KBTBD12: variants seen among roughly 807,000 people sequenced by gnomAD.
KBTBD12 encodes kelch repeat and BTB domain-containing protein 12.
KBTBD12 carries 53 observed loss-of-function variants against 58.7 expected under a neutral mutation model. The observed-to-expected ratio is 0.90, with a 90% CI of 0.72 to 1.14. KBTBD12 has a LOEUF of 1.14. KBTBD12 is among the 50% of genes most tolerant of loss of function. The pLI, the probability that KBTBD12 is intolerant of heterozygous loss-of-function variation, is 0.00. For missense variants in KBTBD12, 704 were observed against 751.3 expected, an observed-to-expected ratio of 0.94 and a Z score of 0.74; for synonymous variants, 236 against 259.8, an observed-to-expected ratio of 0.91 and a Z score of 0.88.
chr3:127,954,279 G>T (rs1257189464), intron 4 of KBTBD12, among the ~76,000 whole-genome samples: 1 of 152,096 alleles, frequency 6.6e-6, no homozygotes. Context: ...TGTTTTCAAG[G>T]TTTTAAATCC....
intron 4 of KBTBD12, among the ~76,000 whole-genome samples, chr3:127,940,787 C>T (rs1939933157): frequency 1.3e-5 from 2 of 151,482 alleles, no homozygotes; most frequent in African/African-American, 4.8e-5. Context: ...TTGAAAAAGC[C>T]AATACAGTTG....
At chr3:127,983,497 G>A (rs1940908469) in intron 5 of KBTBD12, among the ~76,000 whole-genome samples, 1 of 152,196 alleles carries the variant, frequency 6.6e-6, no homozygotes, top group African/African-American at 2.4e-5. Flanking sequence ...GCTCACGCCT[G>A]TAATCCCAGC....
Position 127,963,242 on chromosome 3 carries a change from G to A in KBTBD12, c.1546G>A (p.Val516Met), listed in dbSNP as rs757234553. Residue 516 changes from valine (V) to methionine (M), a missense_variant, in exon 5 of 6, where the codon GTG (valine) becomes ATG (methionine). By Grantham distance (21) the Val-to-Met change is conservative. Transcript: ENST00000405109. Reference protein sequence around the residue: ...DKGQVRKCLDVVEIYNPDGDF... With the variant: ...DKGQVRKCLDMVEIYNPDGDF... ...GGGCCAGGTTCGAAAATGCCTTGAC[G>A]TGGTGGAGATCTACAACCCAGATGG... 10 of 1,612,838 alleles carry A rather than the reference G, an allele frequency of 6.2e-6. No homozygotes were observed. In the South Asian group the frequency reaches 6.6e-5, roughly 11 times the overall value.
chr3:127,943,309 A>G (rs1284362434), intron 4 of KBTBD12, among the ~76,000 whole-genome samples: 1 of 152,142 alleles, frequency 6.6e-6, no homozygotes, highest in African/African-American at 2.4e-5. Flanking sequence ...TCCCATCAAC[A>G]GTGTACAAGG....
At chr3:127,925,225 G>A (rs1367895977) in intron 2 of KBTBD12, among the ~76,000 whole-genome samples, 1 of 152,164 alleles carries the variant, frequency 6.6e-6, no homozygotes, top group Non-Finnish European at 1.5e-5. Context: ...CTAGACCCGT[G>A]CCCATGGGTA....
intron 1 of KBTBD12, among the ~76,000 whole-genome samples, chr3:127,919,606 G>A (rs1009372559): frequency 6.6e-6 from 1 of 152,176 alleles, no homozygotes; most frequent in Non-Finnish European, 1.5e-5. Flanking sequence ...TCATACAGGC[G>A]GATGCCAGCG....
At chr3:127,970,901 AT>A (rs60244404) in intron 5 of KBTBD12, among the ~76,000 whole-genome samples, 24,261 of 152,130 alleles carry the variant, frequency 0.16, 2,188 homozygotes, top group South Asian at 0.32. Flanking sequence ...CTAAAAAACC[AT>A]TTTTTTATAC....
intron 4 of KBTBD12, among the ~76,000 whole-genome samples, chr3:127,954,461 A>C (rs894667509): frequency 6.6e-6 from 1 of 152,224 alleles, no homozygotes; most frequent in Admixed American, 6.5e-5. Flanking sequence ...GCTGTCTCTT[A>C]GAAAAGAAGT....
chr3:127,915,802 C>T (rs1939220382), intron 1 of KBTBD12, among the ~76,000 whole-genome samples: 1 of 152,260 alleles, frequency 6.6e-6, no homozygotes, highest in Non-Finnish European at 1.5e-5. Context: ...CTCCGACCTT[C>T]ACCGTCGGGT....
At chr3:127,971,341 T>C (rs892198444) in intron 5 of KBTBD12, among the ~76,000 whole-genome samples, 10 of 152,166 alleles carry the variant, frequency 6.6e-5, no homozygotes, top group African/African-American at 2.4e-4. Flanking sequence ...ATGAACTGAA[T>C]ACCGAAGAGC....
intron 4 of KBTBD12, among the ~76,000 whole-genome samples, chr3:127,953,777 A>G (rs914926282): frequency 6.6e-5 from 10 of 152,260 alleles, no homozygotes; most frequent in Non-Finnish European, 4.4e-5. Context: ...TAACATAAAA[A>G]TAAAGGAATA....
intron 4 of KBTBD12, among the ~76,000 whole-genome samples, chr3:127,933,973 G>C (rs902025408): frequency 6.6e-6 from 1 of 152,014 alleles, no homozygotes; most frequent in Admixed American, 6.5e-5. Context: ...AGGATAAAAA[G>C]TTGCCACAAT....
intron 4 of KBTBD12, among the ~76,000 whole-genome samples, chr3:127,931,942 A>C (rs1200360221): frequency 6.6e-6 from 1 of 152,094 alleles, no homozygotes; most frequent in Admixed American, 6.6e-5. Context: ...CTGAGTAGTA[A>C]ACTGAGAAGC....
chr3:127,924,404 T>C (rs967298673), intron 2 of KBTBD12, among the ~76,000 whole-genome samples: 9 of 149,188 alleles, frequency 6.0e-5, no homozygotes, highest in African/African-American at 2.0e-4. Context: ...AAATGTAGCA[T>C]ATATATAACT....
At chr3:127,969,878 G>A (rs183318873) in intron 5 of KBTBD12, among the ~76,000 whole-genome samples, 2 of 152,078 alleles carry the variant, frequency 1.3e-5, no homozygotes, top group Admixed American at 6.5e-5. Flanking sequence ...AGAAGAAAAT[G>A]TAGGCATAAA....
At chr3:127,960,481 A>G (rs969137234) in intron 4 of KBTBD12, among the ~76,000 whole-genome samples, 16 of 152,248 alleles carry the variant, frequency 1.1e-4, no homozygotes, top group Non-Finnish European at 2.2e-4. Flanking sequence ...AGAGGTTCGT[A>G]TAAATTAAAG....
chr3:127,970,453 C>A (rs1940662760), intron 5 of KBTBD12, among the ~76,000 whole-genome samples: 1 of 152,064 alleles, frequency 6.6e-6, no homozygotes, highest in Admixed American at 6.6e-5. Context: ...AAATATATGC[C>A]CACCCTTGTA....
rs1253696469 is a variant in KBTBD12, at chr3:127,927,817, G to GAGAA, written c.1125_1128dup (p.Leu377ArgfsTer10). The GAGAA allele has an allele frequency of 6.9e-6, 11 of 1,593,718 alleles. No homozygotes were observed. The highest frequency in any genetic ancestry group is 9.4e-6 in the Non-Finnish European group (11 of 1,170,042). On this transcript the variant is annotated frameshift_variant, in exon 3 of 6. Coordinates refer to ENST00000405109, the MANE Select transcript of KBTBD12 (RefSeq NM_207335.4). LOFTEE classifies it high-confidence loss of function. ...GAAAAGTTATGCACAGCTGAATTTC[G>GAGAA]AGAACTCTATGCTCTGGGCAGTATT...
At chr3:127,956,654 G>A (rs1940327120) in intron 4 of KBTBD12, among the ~76,000 whole-genome samples, 1 of 152,316 alleles carries the variant, frequency 6.6e-6, no homozygotes, top group Middle Eastern at 3.4e-3. Flanking sequence ...ACTGCGCGTG[G>A]ATGAGAAATA....
Sources: allele counts gnomAD v4.1 joint callset (sites outside exome capture counted in the v4.1 genomes callset), GRCh38; gene constraint gnomAD v4.1.1; transcripts MANE v1.5; gene names NCBI Gene and HGNC (gene_info 2026-07-23, HGNC 2026-07-21).